The following SEMA3A variants were observed in gnomAD, a reference collection of about 807,000 sequenced individuals.
The protein encoded by SEMA3A is semaphorin 3A.
A neutral mutation model predicts 97.9 loss-of-function variants in SEMA3A; 29 were observed. The observed-to-expected ratio is 0.30, with a 90% CI of 0.22 to 0.40. The LOEUF is 0.40. Ranked by LOEUF, SEMA3A falls within the 10% of genes least tolerant of loss-of-function variation. The pLI is 1.00. For synonymous variants in SEMA3A, 321 were observed against 323.7 expected, an observed-to-expected ratio of 0.99 and a Z score of 0.09; for missense variants, 763 against 951.3, an observed-to-expected ratio of 0.80 and a Z score of 2.60.
chr7:84,346,641 C>A (rs139893448), intron 2 of SEMA3A, among the ~76,000 whole-genome samples: 6 of 152,270 alleles, frequency 3.9e-5, no homozygotes, highest in African/African-American at 1.4e-4. Flanking sequence ...TATCTATTAA[C>A]TTTGCCGTCT....
At chr7:84,028,129 C>T (rs931805657) in intron 6 of SEMA3A, among the ~76,000 whole-genome samples, 12 of 152,068 alleles carry the variant, frequency 7.9e-5, no homozygotes, top group Non-Finnish European at 1.3e-4. Context: ...ATTGGAGAGA[C>T]ACACGATACA....
Position 84,169,058 on chromosome 7 carries a change from A to G in SEMA3A, c.112+25417T>C, listed in dbSNP as rs922640748. 1.1e-4 allele frequency among the ~76,000 whole-genome samples: 17 copies of G among 151,842 alleles called. 1 individual carries two copies. Among genetic ancestry groups the G allele is most frequent in the African/African-American group, 3.9e-4 (16 of 41,538 alleles). On this transcript the variant is annotated intron_variant, in intron 1 of 16. Coordinates refer to ENST00000265362, the MANE Select transcript of SEMA3A (RefSeq NM_006080.3). ...GGAGCCAGTATTTTATTTTTTAACA[A>G]TCTCACCAGATGATTTTAATGCATA...
chr7:84,447,371 A>T (rs1431421785), intron 1 of SEMA3A, among the ~76,000 whole-genome samples: 1 of 152,124 alleles, frequency 6.6e-6, no homozygotes, highest in African/African-American at 2.4e-5. Context: ...CAAGCCAGGG[A>T]TGGCCTGAAG....
At chr7:84,122,990 TC>T (rs1795675234) in intron 3 of SEMA3A, among the ~76,000 whole-genome samples, 1 of 152,180 alleles carries the variant, frequency 6.6e-6, no homozygotes, top group African/African-American at 2.4e-5. Flanking sequence ...GCTTTTTTGT[TC>T]CTCTCAGATG....
At chr7:84,409,225 T>G (rs1221346750) in intron 1 of SEMA3A, among the ~76,000 whole-genome samples, 2 of 151,690 alleles carry the variant, frequency 1.3e-5, no homozygotes, top group African/African-American at 2.4e-5. Flanking sequence ...GATACATCTT[T>G]GAGGTGATGG....
rs78016400 is a variant in SEMA3A at position 84,348,285 on chromosome 7, A to T, written c.-169+23539T>A. On this transcript the variant is annotated intron_variant, in intron 2 of 3. Coordinates refer to the SEMA3A transcript ENST00000424555. The stretch of plus-strand genomic sequence containing the variant: ...CATTGTTTAAGTAGAAATAATATAT[A>T]TGAGAAAATACTAAATATTTGTTAA... Among the ~76,000 whole-genome samples the T allele has an allele frequency of 1.1e-4, 17 of 152,354 alleles. No homozygotes were observed. The East Asian group carries it at 3.3e-3, about 29-fold the overall frequency.
At position 83,957,872 on chromosome 7, in the gene SEMA3A, C is replaced by A. The variant is rs1018531392; in HGVS notation, c.*3499G>T. The A allele has an allele frequency of 4.6e-5, 7 of 151,930 alleles. No homozygotes were observed. The highest frequency in any genetic ancestry group is 6.6e-5 in the Admixed American group (1 of 15,224). The allele number at this position is 151,930 out of a possible 1,614,324, so 9.4% of individuals were successfully genotyped here. On this transcript the variant is annotated 3_prime_UTR_variant, in exon 17 of 17. Transcript: ENST00000265362. ...TTACACGATACGGGGGTGTTGAATC[C>A]TATTTAAGTCTGTCTTTGAAACCAT...
At chr7:84,079,589 G>A (rs555860378) in intron 4 of SEMA3A, among the ~76,000 whole-genome samples, 1 of 151,954 alleles carries the variant, frequency 6.6e-6, no homozygotes, top group African/African-American at 2.4e-5. Context: ...GCAGCCAACA[G>A]ACATATGAAA....
At chr7:84,257,073 G>A (rs1385524613) in intron 3 of SEMA3A, among the ~76,000 whole-genome samples, 11 of 152,024 alleles carry the variant, frequency 7.2e-5, no homozygotes, top group Admixed American at 5.9e-4. Flanking sequence ...TTTGGAGAAA[G>A]AGAGTGTCTC....
intron 1 of SEMA3A, among the ~76,000 whole-genome samples, chr7:84,435,283 C>T (rs921926208): frequency 4.7e-5 from 7 of 149,072 alleles, no homozygotes; most frequent in African/African-American, 1.8e-4. Flanking sequence ...ACACACACTA[C>T]CTGGGAACAC....
chr7:84,165,230 A>AT (rs1797163547), intron 1 of SEMA3A, among the ~76,000 whole-genome samples: 1 of 151,826 alleles, frequency 6.6e-6, no homozygotes, highest in Admixed American at 6.6e-5. Context: ...AAATAAATAA[A>AT]ATATCTCTGC....
intron 7 of SEMA3A, among the ~76,000 whole-genome samples, chr7:84,013,862 C>T (rs1262870793): frequency 6.6e-6 from 1 of 152,062 alleles, no homozygotes; most frequent in East Asian, 1.9e-4. Context: ...AAAACCAAAA[C>T]TTAAAAACTT....
At chr7:84,233,210 G>T (rs1799155288) in intron 3 of SEMA3A, among the ~76,000 whole-genome samples, 1 of 151,846 alleles carries the variant, frequency 6.6e-6, no homozygotes, top group African/African-American at 2.4e-5. Flanking sequence ...TAAGACCAAA[G>T]CTTTTCTTGC....
chr7:84,219,642 C>T (rs1413961330), intron 3 of SEMA3A, among the ~76,000 whole-genome samples: 3 of 152,120 alleles, frequency 2.0e-5, no homozygotes, highest in Non-Finnish European at 4.4e-5. Flanking sequence ...AATGTCCACA[C>T]CTTAATTTTA....
chr7:84,165,554 C>T (rs1385386394), intron 1 of SEMA3A, among the ~76,000 whole-genome samples: 1 of 151,838 alleles, frequency 6.6e-6, no homozygotes, highest in East Asian at 1.9e-4. Flanking sequence ...TTATATATAC[C>T]AGTACCTTCT....
At chr7:84,079,933 G>A (rs1424794877) in intron 4 of SEMA3A, among the ~76,000 whole-genome samples, 1 of 147,556 alleles carries the variant, frequency 6.8e-6, no homozygotes, top group Admixed American at 6.8e-5. Context: ...ATTCACAATA[G>A]CAAAGACTTG....
intron 3 of SEMA3A, among the ~76,000 whole-genome samples, chr7:84,226,925 A>T (rs2116347372): frequency 6.6e-6 from 1 of 152,164 alleles, no homozygotes; most frequent in East Asian, 1.9e-4. Context: ...TCTGTGCATT[A>T]AATATGCCTC....
intron 3 of SEMA3A, among the ~76,000 whole-genome samples, chr7:84,306,169 ATTT>A (rs918667289): frequency 6.6e-6 from 1 of 151,490 alleles, no homozygotes; most frequent in South Asian, 2.1e-4. Context: ...GATGTGATAA[ATTT>A]TTTTTGTGTA....
chr7:84,453,239 CTTT>C (rs774894152), intron 1 of SEMA3A, among the ~76,000 whole-genome samples: 1 of 128,892 alleles, frequency 7.8e-6, no homozygotes, highest in Admixed American at 8.2e-5. Context: ...GACTTTGTTT[CTTT>C]TTTTTTTTTT....
Sources: allele counts gnomAD v4.1 joint callset (sites outside exome capture counted in the v4.1 genomes callset), GRCh38; gene constraint gnomAD v4.1.1; transcripts MANE v1.5; gene names NCBI Gene and HGNC (gene_info 2026-07-23, HGNC 2026-07-21).